Variants in CGGBP1 observed in about 807,000 individuals in gnomAD.
CGGBP1 encodes the protein CGG triplet repeat binding protein 1.
A neutral mutation model predicts 11.4 loss-of-function variants in CGGBP1; 4 were observed. The ratio of observed to expected loss-of-function variants is 0.35; its 90% CI spans 0.17 to 0.80. The LOEUF (loss-of-function observed/expected upper bound fraction) is 0.80, where lower values mean the gene tolerates loss of function less well. CGGBP1 is among the 30% of genes least tolerant of loss of function. The pLI, the probability that CGGBP1 is intolerant of heterozygous loss-of-function variation, is 0.52. For synonymous variants in CGGBP1, 76 were observed against 74.1 expected, an observed-to-expected ratio of 1.03 and a Z score of -0.13; for missense variants, 135 against 202.1, an observed-to-expected ratio of 0.67 and a Z score of 2.01.
intron 2 of CGGBP1, among the ~76,000 whole-genome samples, chr3:88,107,869 A>G (rs931687642): frequency 2.4e-4 from 36 of 152,136 alleles, no homozygotes; most frequent in African/African-American, 8.7e-4. Flanking sequence ...CTTAAACTAT[A>G]TAATACCCAT....
intron 2 of CGGBP1, among the ~76,000 whole-genome samples, chr3:88,092,851 A>T (rs892754378): frequency 6.6e-6 from 1 of 152,160 alleles, no homozygotes; most frequent in Non-Finnish European, 1.5e-5. Flanking sequence ...GTAATTATAC[A>T]TATGTATTGA....
chr3:88,074,710 C>T (rs1707705714), intron 2 of CGGBP1, among the ~76,000 whole-genome samples: 1 of 152,124 alleles, frequency 6.6e-6, no homozygotes, highest in Non-Finnish European at 1.5e-5. Context: ...CAACCCAATA[C>T]CCATTAAATT....
At chr3:88,070,825 CAG>C (rs1418238835) in intron 2 of CGGBP1, among the ~76,000 whole-genome samples, 1 of 152,196 alleles carries the variant, frequency 6.6e-6, no homozygotes, top group African/African-American at 2.4e-5. Context: ...AGCTGAGACT[CAG>C]AGAGATTAAG....
chr3:88,111,722 A>C (rs1291655812), intron 2 of CGGBP1, among the ~76,000 whole-genome samples: 1 of 151,986 alleles, frequency 6.6e-6, no homozygotes, highest in Non-Finnish European at 1.5e-5. Context: ...TAGAACTGCT[A>C]GGTCAAATGG....
rs1003403227 is a variant in CGGBP1, at chr3:88,054,164, ATAT to A, written c.*1306_*1308del. On this transcript the variant is annotated 3_prime_UTR_variant, in exon 4 of 4. Transcript: ENST00000482016. ...CATTTGTCACTGCTTTGTAATAGAA[ATAT>A]ATAAGTATTTTTAACTTGAATTTCA... 92 of 152,722 alleles carry A rather than the reference ATAT, an allele frequency of 6.0e-4. No individual in the cohort carries two copies. The highest frequency in any genetic ancestry group is 2.1e-3 in the African/African-American group (86 of 41,590). The allele number at this position is 152,722 out of a possible 1,614,324, so 9.5% of individuals were successfully genotyped here.
intron 2 of CGGBP1, among the ~76,000 whole-genome samples, chr3:88,094,129 G>T (rs1272136298): frequency 1.3e-5 from 2 of 149,296 alleles, no homozygotes; most frequent in Admixed American, 6.6e-5. Flanking sequence ...GGCAGTTGGT[G>T]GTCTTAATTC....
chr3:88,107,454 A>AT (rs1369152928), intron 2 of CGGBP1, among the ~76,000 whole-genome samples: 1 of 152,122 alleles, frequency 6.6e-6, no homozygotes, highest in Non-Finnish European at 1.5e-5. Flanking sequence ...TTTATAGTTT[A>AT]TTATGATTAG....
At chr3:88,140,961 A>G in intron 2 of CGGBP1, 1 of 1,613,528 alleles carries the variant, frequency 6.2e-7, no homozygotes, top group Non-Finnish European at 8.5e-7. Flanking sequence ...CAAATGCCTG[A>G]CCACCTACTG....
rs1280843316 is a variant in CGGBP1 at position 88,054,770 on chromosome 3, G to C, written c.*703C>G. On this transcript the variant is annotated 3_prime_UTR_variant, in exon 4 of 4. Coordinates refer to ENST00000482016, the MANE Select transcript of CGGBP1 (RefSeq NM_001008390.2). ...TTCGAAATTAGTATTCATAGTAAGA[G>C]ACTAAAATCCTGTCACTGCAAAATT... 1.3e-5 allele frequency: 2 copies of C among 152,558 alleles called. No individual in the cohort carries two copies. Among genetic ancestry groups the C allele is most frequent in the African/African-American group, 4.8e-5 (2 of 41,426 alleles). The allele number at this position is 152,558 out of a possible 1,614,324, so 9.5% of individuals were successfully genotyped here.
At chr3:88,107,596 T>G (rs2107742936) in intron 2 of CGGBP1, among the ~76,000 whole-genome samples, 1 of 152,304 alleles carries the variant, frequency 6.6e-6, no homozygotes, top group African/African-American at 2.4e-5. Context: ...CTTATTTCCC[T>G]TTTAGAACTA....
intron 2 of CGGBP1, among the ~76,000 whole-genome samples, chr3:88,138,260 A>G (rs1053937551): frequency 2.0e-5 from 3 of 152,146 alleles, no homozygotes; most frequent in Admixed American, 6.6e-5. Context: ...AAGTTCCCAT[A>G]AGCAGTTTTT....
intron 2 of CGGBP1, among the ~76,000 whole-genome samples, chr3:88,121,133 TAA>T (rs765582721): frequency 1.2e-3 from 182 of 150,998 alleles, no homozygotes; most frequent in Non-Finnish European, 2.3e-3. Context: ...ATGAGCAAAA[TAA>T]AAAAAAAGAA....
At chr3:88,113,092 A>C in intron 2 of CGGBP1, 8 of 1,473,618 alleles carry the variant, frequency 5.4e-6, no homozygotes, top group Non-Finnish European at 7.3e-6. Context: ...AAGCAATGAA[A>C]GTTATTCACT....
intron 2 of CGGBP1, among the ~76,000 whole-genome samples, chr3:88,108,292 G>A (rs1358964057): frequency 2.0e-5 from 3 of 151,954 alleles, no homozygotes; most frequent in African/African-American, 7.3e-5. Context: ...ATATACTGGT[G>A]TAGCTATTTG....
chr3:88,060,967 G>T (rs1378204745), upstream of CGGBP1, among the ~76,000 whole-genome samples: 2 of 152,100 alleles, frequency 1.3e-5, no homozygotes, highest in Admixed American at 1.3e-4. Context: ...GAGTATGTCA[G>T]TTTCTTTGGC....
chr3:88,117,576 G>A (rs1457396733), intron 2 of CGGBP1, among the ~76,000 whole-genome samples: 1 of 151,746 alleles, frequency 6.6e-6, no homozygotes, highest in African/African-American at 2.4e-5. Context: ...TTACAAATGG[G>A]GTCATTACAG....
chr3:88,139,871 A>C (rs1414409741), intron 2 of CGGBP1: 1 of 1,607,906 alleles, frequency 6.2e-7, no homozygotes, highest in East Asian at 2.2e-5. Flanking sequence ...TGTGCCATCC[A>C]AAAGACATAT....
At chr3:88,065,615 T>C (rs1314136616) in intron 2 of CGGBP1, among the ~76,000 whole-genome samples, 1 of 152,106 alleles carries the variant, frequency 6.6e-6, no homozygotes, top group Admixed American at 6.5e-5. Context: ...ATTTTATTTT[T>C]TACATTTTTT....
intron 2 of CGGBP1, among the ~76,000 whole-genome samples, chr3:88,136,548 T>C (rs1294283140): frequency 2.0e-5 from 3 of 152,060 alleles, no homozygotes; most frequent in Non-Finnish European, 4.4e-5. Context: ...GACATGAGGG[T>C]AGTACTAACA....
Sources: allele counts gnomAD v4.1 joint callset (sites outside exome capture counted in the v4.1 genomes callset), GRCh38; gene constraint gnomAD v4.1.1; transcripts MANE v1.5; gene names NCBI Gene and HGNC (gene_info 2026-07-23, HGNC 2026-07-21).